The following GABRG3 variants were observed in gnomAD, a reference collection of about 807,000 sequenced individuals.
GABRG3 encodes gamma-aminobutyric acid receptor subunit gamma-3.
In GABRG3, 25 loss-of-function variants were observed where a neutral mutation model predicts 48.8. That is an observed-to-expected ratio of 0.51 (90% CI 0.37 to 0.72). The LOEUF is 0.72. Among genes scored for constraint, GABRG3 ranks in the 30% least tolerant of loss-of-function variants. The pLI is 0.00. For synonymous variants in GABRG3, 227 were observed against 217.6 expected (o/e 1.04, Z -0.38); for missense variants, 394 against 577.9 (o/e 0.68, Z 3.26).
intron 3 of GABRG3, among the ~76,000 whole-genome samples, chr15:27,255,789 T>A (rs1890592355): frequency 6.6e-6 from 1 of 152,200 alleles, no homozygotes; most frequent in Non-Finnish European, 1.5e-5. Flanking sequence ...TAGCCAGGTC[T>A]GCTGCCTTCA....
intron 3 of GABRG3, among the ~76,000 whole-genome samples, chr15:27,128,238 T>C (rs1489418297): frequency 6.6e-6 from 1 of 152,190 alleles, no homozygotes; most frequent in African/African-American, 2.4e-5. Flanking sequence ...GAATAGTGCT[T>C]GGCGTCCATA....
At chr15:27,200,059 T>C (rs907618306) in intron 3 of GABRG3, among the ~76,000 whole-genome samples, 1 of 100,956 alleles carries the variant, frequency 9.9e-6, no homozygotes, top group Middle Eastern at 4.4e-3. Context: ...CTTCCTTCTT[T>C]CCTTCCTTTC....
intron 3 of GABRG3, among the ~76,000 whole-genome samples, chr15:27,084,332 T>C (rs1053716889): frequency 1.3e-5 from 2 of 152,248 alleles, no homozygotes; most frequent in African/African-American, 4.8e-5. Flanking sequence ...GGCACATTTC[T>C]TATTTTTTAG....
intron 3 of GABRG3, among the ~76,000 whole-genome samples, chr15:27,312,249 C>T (rs1893022151): frequency 6.6e-6 from 1 of 151,938 alleles, no homozygotes; most frequent in African/African-American, 2.4e-5. Context: ...GAAGATTATT[C>T]AGTCATAGGA....
At chr15:27,139,322 G>T (rs912801151) in intron 3 of GABRG3, among the ~76,000 whole-genome samples, 1 of 152,136 alleles carries the variant, frequency 6.6e-6, no homozygotes, top group Non-Finnish European at 1.5e-5. Flanking sequence ...AGAGAACCTG[G>T]CATTCTAATG....
intron 5 of GABRG3, among the ~76,000 whole-genome samples, chr15:27,418,156 G>A (rs1887999528): frequency 1.3e-5 from 2 of 152,320 alleles, no homozygotes; most frequent in South Asian, 2.1e-4. Flanking sequence ...TGAATATGAA[G>A]GAAGGAGGCC....
chr15:27,337,427 C>T (rs1894012928), intron 5 of GABRG3, among the ~76,000 whole-genome samples: 11 of 152,182 alleles, frequency 7.2e-5, no homozygotes, highest in Admixed American at 7.2e-4. Flanking sequence ...TATCAATGAA[C>T]TATTTTAATA....
chr15:27,208,636 G>T (rs1334395728), intron 3 of GABRG3: 1 of 155,082 alleles, frequency 6.4e-6, no homozygotes, highest in East Asian at 1.9e-4. Context: ...GGCCTGTCAT[G>T]GCAGCAGTGG....
chr15:27,186,586 A>G (rs1888105629), intron 3 of GABRG3, among the ~76,000 whole-genome samples: 1 of 152,034 alleles, frequency 6.6e-6, no homozygotes, highest in Non-Finnish European at 1.5e-5. Context: ...CCTTTGAGAA[A>G]TCTCTAAACT....
rs973666592 is a variant in GABRG3, at chr15:27,517,023, T to C, written c.713-2949T>C. 5.8e-4 allele frequency among the ~76,000 whole-genome samples: 88 copies of C among 152,044 alleles called. 1 individual carries two copies. Among genetic ancestry groups the C allele is most frequent in the African/African-American group, 2.1e-3 (87 of 41,480 alleles). On this transcript the variant is annotated intron_variant, in intron 6 of 9. Coordinates refer to ENST00000615808, the MANE Select transcript of GABRG3 (RefSeq NM_033223.5). ...ACAGCATCGTGCACACCTCCAGTCA[T>C]GCGCCTAGCACTAGGACTTTGGTGC...
intron 3 of GABRG3, among the ~76,000 whole-genome samples, chr15:27,257,962 A>G (rs1351512155): frequency 2.6e-5 from 4 of 151,938 alleles, no homozygotes; most frequent in African/African-American, 9.7e-5. Flanking sequence ...GGTCTTTCTT[A>G]TTTTAGTTAA....
intron 5 of GABRG3, among the ~76,000 whole-genome samples, chr15:27,431,884 G>A (rs978288764): frequency 9.9e-5 from 15 of 152,200 alleles, no homozygotes; most frequent in African/African-American, 3.6e-4. Flanking sequence ...TTCCCCTTGG[G>A]ATTTCTTCTT....
intron 2 of GABRG3, among the ~76,000 whole-genome samples, chr15:26,991,381 A>G (rs1237067174): frequency 1.3e-5 from 2 of 151,704 alleles, no homozygotes; most frequent in Non-Finnish European, 2.9e-5. Flanking sequence ...TTTTTCCCCC[A>G]GGATAGCTTT....
At position 27,319,241 on chromosome 15, in the gene GABRG3, A is replaced by C. The variant is rs930641412; in HGVS notation, c.271-7568A>C. Among the ~76,000 whole-genome samples, 1 of 152,166 alleles carries C rather than the reference A, an allele frequency of 6.6e-6. No individual in the cohort carries two copies. Among genetic ancestry groups the C allele is most frequent in the Non-Finnish European group, 1.5e-5 (1 of 68,018 alleles). ...CAGGGGGAAAAAAATGTCTGAAACC[A>C]ACAAGGGCTCCAGTGAGCCTCGGTC... is the stretch of plus-strand genomic sequence containing the variant. On this transcript the variant is annotated intron_variant, in intron 3 of 9. Coordinates refer to ENST00000615808, the MANE Select transcript of GABRG3 (RefSeq NM_033223.5). The surrounding 1 kb of genome is among the most constrained non-coding windows in gnomAD (Gnocchi z 4.4).
intron 5 of GABRG3, among the ~76,000 whole-genome samples, chr15:27,382,383 G>A (rs540423821): frequency 5.3e-5 from 8 of 152,246 alleles, no homozygotes; most frequent in Admixed American, 3.3e-4. Context: ...TTTGAAATAG[G>A]GCAGTGACAG....
chr15:27,512,725 C>T (rs191525134), intron 6 of GABRG3, among the ~76,000 whole-genome samples: 2 of 152,308 alleles, frequency 1.3e-5, no homozygotes, highest in East Asian at 3.9e-4. Flanking sequence ...AACTCACAAA[C>T]AGGGCTCAGA....
intron 3 of GABRG3, among the ~76,000 whole-genome samples, chr15:27,282,001 A>G (rs2140480115): frequency 6.6e-6 from 1 of 152,198 alleles, no homozygotes; most frequent in African/African-American, 2.4e-5. Flanking sequence ...TGTGCACAGA[A>G]TTCTGGGTAT....
intron 5 of GABRG3, among the ~76,000 whole-genome samples, chr15:27,443,475 C>A (rs1888850873): frequency 6.6e-6 from 1 of 152,140 alleles, no homozygotes; most frequent in South Asian, 2.1e-4. Flanking sequence ...CTTTAAAATT[C>A]ATTTTGAATC....
intron 6 of GABRG3, among the ~76,000 whole-genome samples, chr15:27,505,074 A>G (rs56763644): frequency 0.12 from 18,510 of 152,148 alleles, 2,151 homozygotes; most frequent in African/African-American, 0.31. Context: ...CTAGGATCCA[A>G]TTATTGATAC....
Sources: allele counts gnomAD v4.1 joint callset (sites outside exome capture counted in the v4.1 genomes callset), GRCh38; gene constraint gnomAD v4.1.1; non-coding constraint Gnocchi (gnomAD v3.1); transcripts MANE v1.5; gene names NCBI Gene and HGNC (gene_info 2026-07-23, HGNC 2026-07-21).